Variants in GDF5 observed in about 807,000 individuals in gnomAD.
GDF5 encodes growth differentiation factor 5.
GDF5 carries 17 observed loss-of-function variants against 34.6 expected under a neutral mutation model. The ratio of observed to expected loss-of-function variants is 0.49; its 90% CI spans 0.34 to 0.74. The LOEUF is 0.74. GDF5 is among the 30% of genes least tolerant of loss of function. GDF5 has a pLI of 0.01. For synonymous variants in GDF5, 332 were observed against 290.7 expected (o/e 1.14, Z -1.44); for missense variants, 616 against 661.2 (o/e 0.93, Z 0.75).
chr20:35,453,715 G>A (rs1292287168), intron 1 of GDF5, among the ~76,000 whole-genome samples: 1 of 152,002 alleles, frequency 6.6e-6, no homozygotes, highest in African/African-American at 2.4e-5. Context: ...TCTTTTTTGT[G>A]TTCTTACAGG....
At chr20:35,446,438 CTTTT>C (rs11477146) in intron 1 of GDF5, among the ~76,000 whole-genome samples, 3 of 136,002 alleles carry the variant, frequency 2.2e-5, no homozygotes, top group Non-Finnish European at 1.6e-5. Context: ...TTATTTATTG[CTTTT>C]TTTTTTTTTT....
intron 1 of GDF5, among the ~76,000 whole-genome samples, chr20:35,444,329 AG>A (rs2146588230): frequency 6.6e-6 from 1 of 152,292 alleles, no homozygotes; most frequent in South Asian, 2.1e-4. Context: ...ATGCCCTTTG[AG>A]GGGGTGATGT....
At chr20:35,449,260 T>C (rs767228890) in intron 1 of GDF5, among the ~76,000 whole-genome samples, 9 of 148,044 alleles carry the variant, frequency 6.1e-5, no homozygotes, top group South Asian at 4.3e-4. Context: ...CATGCCACCA[T>C]GCCTGGCTTG....
At chr20:35,439,951 CT>C (rs1443545804), upstream of GDF5, among the ~76,000 whole-genome samples, 4 of 118,146 alleles carry the variant, frequency 3.4e-5, no homozygotes, top group African/African-American at 1.2e-4. Flanking sequence ...GAGTCTCACT[CT>C]GTCACCTAGG....
chr20:35,438,262 GAGGGATTTTTCC>G (rs1432062546), upstream of GDF5: 1 of 366,586 alleles, frequency 2.7e-6, no homozygotes, highest in African/African-American at 2.1e-5. Context: ...GTATAAGGCT[GAGGGATTTTTCC>G]AAGAAGGAAG....
chr20:35,434,687 C>T lies in GDF5; in HGVS notation c.728G>A (p.Arg243Gln), dbSNP rs771055628. 15 of 1,612,882 alleles carry T rather than the reference C, an allele frequency of 9.3e-6. No individual in the cohort carries two copies. The South Asian group carries it at 1.3e-4, about 14-fold the overall frequency. The change falls in exon 2 of 2, where the codon CGG becomes CAG. Residue 243 changes from arginine to glutamine, a missense_variant. Physicochemically the swap from Arg to Gln is conservative, Grantham distance 43. Coordinates refer to ENST00000374369, the MANE Select transcript of GDF5 (RefSeq NM_000557.5). The stretch of plus-strand genomic sequence containing the variant: ...CTTGGCCGTGTCCGAGGGCTTCTTC[C>T]GCAAGATCCGCAGCTCGGCCCCCAG... ...GLLGAELRIL[R>Q]KKPSDTAKPA...
intron 1 of GDF5, among the ~76,000 whole-genome samples, chr20:35,444,502 G>C (rs2062507980): frequency 6.6e-6 from 1 of 152,168 alleles, no homozygotes; most frequent in Non-Finnish European, 1.5e-5. Flanking sequence ...AGTGAGCGAA[G>C]GGGGCAGTGG....
upstream of GDF5, among the ~76,000 whole-genome samples, chr20:35,438,877 G>GTGTTTA (rs2062487837): frequency 1.2e-5 from 1 of 81,528 alleles, no homozygotes; most frequent in Non-Finnish European, 3.0e-5. Context: ...GCCTGTGTGT[G>GTGTTTA]TGTGTGCCTG....
Position 35,450,381 on chromosome 20 carries a change from A to C in GDF5, c.-398+4259T>G, listed in dbSNP as rs78520866. 2.4e-3 allele frequency among the ~76,000 whole-genome samples: 363 copies of C among 151,728 alleles called. 3 individuals are homozygous for C. Among genetic ancestry groups the C allele is most frequent in the African/African-American group, 8.5e-3 (351 of 41,356 alleles). ...TTGGTGCTCCAGACTGTTACCTTGC[A>C]GTGAGAAAGAAAGAGGAAAGTGGTT... On this transcript the variant is annotated intron_variant, in intron 1 of 3. Coordinates refer to the GDF5 transcript ENST00000374372.
At chr20:35,451,076 TATATATATATATATATACAC>T (rs2062531392) in intron 1 of GDF5, among the ~76,000 whole-genome samples, 1 of 42,676 alleles carries the variant, frequency 2.3e-5, no homozygotes, top group African/African-American at 2.2e-4. Flanking sequence ...TATATATATA[TATATATATATATATATACAC>T]AAATATATAT....
upstream of GDF5, chr20:35,438,361 C>CACACACAT: frequency 9.6e-6 from 1 of 104,198 alleles, no homozygotes; most frequent in Non-Finnish European, 2.2e-5. Context: ...AAATACTTCA[C>CACACACAT]ACACACACAC....
chr20:35,435,003 T>A, intron 1 of GDF5: 1 of 645,874 alleles, frequency 1.5e-6, no homozygotes, highest in Non-Finnish European at 2.9e-6. Flanking sequence ...CCTGAAGATG[T>A]GGCTGGGGAT....
At position 35,434,392 on chromosome 20, in the gene GDF5, C is replaced by G. The variant is rs1601070796; in HGVS notation, c.1023G>C (p.Leu341=). 6.2e-7 allele frequency: 1 copy of G among 1,613,710 alleles called. No individual in the cohort carries two copies. The highest frequency in any genetic ancestry group is 8.5e-7 in the Non-Finnish European group (1 of 1,179,974). The change falls in exon 2 of 2, where the codon CTG becomes CTC. Residue 341 remains leucine (L), a synonymous_variant. Transcript: ENST00000374369. ...RAARQVHEKA[L]FLVFGRTKKR... ...TCTTGGTGCGGCCAAACACCAGGAA[C>G]AGGGCTTTCTCGTGGACCTGCCGGG...
intron 1 of GDF5, among the ~76,000 whole-genome samples, chr20:35,454,332 T>C (rs558409997): frequency 1.3e-5 from 2 of 152,018 alleles, no homozygotes; most frequent in African/African-American, 4.8e-5. Flanking sequence ...CGGGCGCCTG[T>C]AGTCCCAGCT....
chr20:35,438,821 A>ACGCGTGTGTGTG (rs2062486622), upstream of GDF5, among the ~76,000 whole-genome samples: 2 of 44,930 alleles, frequency 4.5e-5, no homozygotes, highest in African/African-American at 1.0e-4. Context: ...CTGATTTGTT[A>ACGCGTGTGTGTG]TGCGTGTGTG....
intron 1 of GDF5, among the ~76,000 whole-genome samples, chr20:35,450,618 C>A (rs569033477): frequency 3.3e-5 from 5 of 152,120 alleles, no homozygotes; most frequent in Admixed American, 6.5e-5. Flanking sequence ...TTTATACACT[C>A]TTCAGGGGTT....
chr20:35,438,501 A>C (rs17092635), upstream of GDF5, among the ~76,000 whole-genome samples: 9,014 of 152,208 alleles, frequency 0.059, 504 homozygotes, highest in African/African-American at 0.15. Flanking sequence ...CATGCTGTCT[A>C]AACTCATTTA....
rs1238663333 is a variant in GDF5 at position 35,434,461 on chromosome 20, C to A, written c.954G>T (p.Arg318=). Residue 318 remains arginine, a synonymous_variant, in exon 2 of 2, where the codon CGG becomes CGT. Coordinates refer to ENST00000374369, the MANE Select transcript of GDF5 (RefSeq NM_000557.5). ...QLCLELEAWE[R]GRAVDLRGLG... ...GGCCACGGAGGTCCACGGCCCTGCC[C>A]CGTTCCCAGGCCTCCAGCTCCAGGC... 2 of 1,612,650 alleles carry A rather than the reference C, an allele frequency of 1.2e-6. No homozygotes were observed. Among genetic ancestry groups the A allele is most frequent in the Non-Finnish European group, 1.7e-6 (2 of 1,179,400 alleles).
chr20:35,433,978 A>G lies in GDF5; in HGVS notation c.1437T>C (p.Ile479=). The part of the protein sequence containing the change: ...TRLSPISILF[I]DSANNVVYKQ... ...TATACACCACGTTGTTGGCAGAGTCAATGAAGAGGATGCTGATGGGACTCA... is the reference window on the plus strand; with the variant it reads ...TATACACCACGTTGTTGGCAGAGTCGATGAAGAGGATGCTGATGGGACTCA... The change falls in exon 2 of 2, where the codon ATT becomes ATC. Residue 479 remains isoleucine (I), a synonymous_variant. Transcript: ENST00000374369. 1.9e-6 allele frequency: 3 copies of G among 1,613,942 alleles called. No homozygotes were observed. In the South Asian group the frequency reaches 3.3e-5, roughly 18 times the overall value.
Sources: allele counts gnomAD v4.1 joint callset (sites outside exome capture counted in the v4.1 genomes callset), GRCh38; gene constraint gnomAD v4.1.1; transcripts MANE v1.5; gene names NCBI Gene and HGNC (gene_info 2026-07-23, HGNC 2026-07-21).